The following AKAP8L variants were observed in gnomAD, a reference collection of about 807,000 sequenced individuals.
The protein encoded by AKAP8L is A-kinase anchor protein 8-like.
A neutral mutation model predicts 77.5 loss-of-function variants in AKAP8L; 34 were observed. The observed-to-expected ratio is 0.44, with a 90% CI of 0.33 to 0.58. The LOEUF is 0.58. Among genes scored for constraint, AKAP8L ranks in the 20% least tolerant of loss-of-function variants. The probability of loss-of-function intolerance (pLI) is 0.02; values close to 1 mark genes in which losing one functional copy is unlikely to be tolerated. For synonymous variants in AKAP8L, 342 were observed against 340.7 expected, an observed-to-expected ratio of 1.00 and a Z score of -0.04; for missense variants, 806 against 887.6, an observed-to-expected ratio of 0.91 and a Z score of 1.17.
intron 2 of AKAP8L, among the ~76,000 whole-genome samples, chr19:15,407,556 A>G (rs548516161): frequency 1.3e-3 from 191 of 152,358 alleles, no homozygotes; most frequent in African/African-American, 4.5e-3. Flanking sequence ...CTGTAAGTCA[A>G]ATTTCAAATA....
rs1222535186 is a variant in AKAP8L at position 15,399,946 on chromosome 19, ATC to A, written c.1048+347_1048+348del. 3 of 406,894 alleles carry A rather than the reference ATC, an allele frequency of 7.4e-6. No homozygotes were observed. The highest frequency in any genetic ancestry group is 6.1e-5 in the African/African-American group (3 of 49,246). The allele number at this position is 406,894 out of a possible 1,614,324, so 25.2% of individuals were successfully genotyped here. On this transcript the variant is annotated intron_variant, in intron 8 of 13. Coordinates refer to ENST00000397410, the MANE Select transcript of AKAP8L (RefSeq NM_014371.4). The surrounding 1 kb of genome is among the most constrained non-coding windows in gnomAD (Gnocchi z 6.1). ...GTAAAAACTGCACCGAGGGTCCCAG[ATC>A]GGACACCAGCCACTGAGGACTTGGA...
chr19:15,415,128 T>G (rs1020730477), intron 1 of AKAP8L, among the ~76,000 whole-genome samples: 2 of 152,208 alleles, frequency 1.3e-5, no homozygotes, highest in Non-Finnish European at 2.9e-5. Context: ...TCGTCAACTT[T>G]TTTTGCTCAA....
At position 15,397,873 on chromosome 19, in the gene AKAP8L, C is replaced by T. The variant is rs200240831; in HGVS notation, c.1158-18G>A. Reference sequence around the variant, plus strand: ...ACTGGATCCTGCCACAGGAAGGAAACGAGGGGCTGAGGCTGCAAGTGTCCC... The same window carrying T: ...ACTGGATCCTGCCACAGGAAGGAAATGAGGGGCTGAGGCTGCAAGTGTCCC... On this transcript the variant is annotated intron_variant, in intron 9 of 13. Transcript: ENST00000397410. The surrounding 1 kb of genome is among the most constrained non-coding windows in gnomAD (Gnocchi z 4.7). The T allele has an allele frequency of 1.2e-5, 19 of 1,611,990 alleles. No individual in the cohort carries two copies. The highest frequency in any genetic ancestry group is 2.7e-5 in the African/African-American group (2 of 74,860).
chr19:15,412,708 AT>A, intron 1 of AKAP8L, among the ~76,000 whole-genome samples: 1 of 151,978 alleles, frequency 6.6e-6, no homozygotes, highest in East Asian at 1.9e-4. Flanking sequence ...TGTCCGGCTG[AT>A]TTTTTTGTAT....
Position 15,400,949 on chromosome 19 carries a change from T to C in AKAP8L, c.911A>G (p.Asn304Ser), listed in dbSNP as rs1967882309. Residue 304 changes from asparagine (N) to serine (S), a missense_variant and splice_region_variant, in exon 6 of 14, where the codon AAT becomes AGT. By Grantham distance (46) the Asn-to-Ser change is conservative. This residue lies in a region of AKAP8L where 580 missense variants were observed against 694.1 expected (regional missense o/e 0.84). Coordinates refer to ENST00000397410, the MANE Select transcript of AKAP8L (RefSeq NM_014371.4). ...CCAGTACCACCTAGTGGGCTCACCATTGTCTGAGTCGCTGTTGTCCGAGCA... is the reference window on the plus strand; with the variant it reads ...CCAGTACCACCTAGTGGGCTCACCACTGTCTGAGTCGCTGTTGTCCGAGCA... ...TDCSDNSDSD[N>S]DEGTEGEATE... The C allele has an allele frequency of 2.5e-6, 4 of 1,613,930 alleles. No individual in the cohort carries two copies. Among genetic ancestry groups the C allele is most frequent in the Non-Finnish European group, 3.4e-6 (4 of 1,179,874 alleles).
At chr19:15,386,268 T>C (rs6512029) in intron 12 of AKAP8L, among the ~76,000 whole-genome samples, 119,491 of 152,080 alleles carry the variant, frequency 0.79, 47,159 homozygotes, top group East Asian at 0.99. Context: ...TTCATTTTGG[T>C]ATCATCTTTA....
Position 15,390,186 on chromosome 19 carries a change from C to G in AKAP8L, c.1536+6964G>C, listed in dbSNP as rs200237111. Among the ~76,000 whole-genome samples, 7 of 152,166 alleles carry G rather than the reference C, an allele frequency of 4.6e-5. No homozygotes were observed. In the South Asian group the frequency reaches 1.2e-3, roughly 27 times the overall value. ...ATCCCAGCACTTTGGGAGGCCAAGG[C>G]AGGCAGATCGCTTGAGTCCAGAAAT... On this transcript the variant is annotated intron_variant, in intron 12 of 13. Transcript: ENST00000397410.
chr19:15,418,980 C>T lies in AKAP8L; in HGVS notation c.-57G>A. ...GGCTTCTGCTGCTCTGAACATCCGACGCTGCGATAGCTGCTGCTAACCACA... is the reference window on the plus strand; with the variant it reads ...GGCTTCTGCTGCTCTGAACATCCGATGCTGCGATAGCTGCTGCTAACCACA... On this transcript the variant is annotated 5_prime_UTR_variant, in exon 1 of 14. Transcript: ENST00000397410. 1 of 1,601,694 alleles carries T rather than the reference C, an allele frequency of 6.2e-7. No homozygotes were observed. Among genetic ancestry groups the T allele is most frequent in the Non-Finnish European group, 8.5e-7 (1 of 1,178,584 alleles).
chr19:15,399,624 C>T lies in AKAP8L; in HGVS notation c.1049-214G>A, dbSNP rs1967849858. ...CCAAGGAGTGGGGGCCAGGCGATGA[C>T]CCCTCCACTCTCCAGGACACCCATG... On this transcript the variant is annotated intron_variant, in intron 8 of 13. Coordinates refer to ENST00000397410, the MANE Select transcript of AKAP8L (RefSeq NM_014371.4). This position sits in a 1 kb window ranked among gnomAD's most constrained non-coding sequence, Gnocchi z 6.1. The T allele has an allele frequency of 1.0e-5, 6 of 578,398 alleles. No homozygotes were observed. The highest frequency in any genetic ancestry group is 6.0e-5 in the East Asian group (2 of 33,604). 35.8% of individuals were successfully genotyped at this position (578,398 alleles called of 1,614,324 possible).
At chr19:15,413,960 T>C (rs1968153387) in intron 1 of AKAP8L, among the ~76,000 whole-genome samples, 1 of 152,046 alleles carries the variant, frequency 6.6e-6, no homozygotes, top group Non-Finnish European at 1.5e-5. Flanking sequence ...TCTAACTCTA[T>C]ACCCTGCACC....
chr19:15,410,097 C>T (rs1399354972), intron 2 of AKAP8L, among the ~76,000 whole-genome samples: 4 of 152,172 alleles, frequency 2.6e-5, no homozygotes, highest in Non-Finnish European at 1.5e-5. Flanking sequence ...CACACACCAC[C>T]ATGCCCGGCT....
At position 15,399,478 on chromosome 19, in the gene AKAP8L, G is replaced by A. The variant is rs1967846107; in HGVS notation, c.1049-68C>T. The A allele has an allele frequency of 8.4e-7, 1 of 1,189,110 alleles. No individual in the cohort carries two copies. Among genetic ancestry groups the A allele is most frequent in the African/African-American group, 1.5e-5 (1 of 66,902 alleles). The allele number at this position is 1,189,110 out of a possible 1,614,324, so 73.7% of individuals were successfully genotyped here. A position where few individuals can be genotyped will look rare whatever the true frequency, so the allele number is the denominator to read the frequency against. On this transcript the variant is annotated intron_variant, in intron 8 of 13. Transcript: ENST00000397410. This position sits in a 1 kb window ranked among gnomAD's most constrained non-coding sequence, Gnocchi z 6.1. The stretch of plus-strand genomic sequence containing the variant: ...GGACAGGGCAGGCCCTGCGGCCTCT[G>A]GCTGAATCACCCACTGTCCACTCCA...
At chr19:15,396,084 G>T in intron 12 of AKAP8L, among the ~76,000 whole-genome samples, 1 of 151,428 alleles carries the variant, frequency 6.6e-6, no homozygotes, top group Non-Finnish European at 1.5e-5. Context: ...AGAACTCTTG[G>T]TGGCATTTCC....
rs779339089 is a variant in AKAP8L, at chr19:15,401,528, G to A, written c.438C>T (p.Tyr146=). Reference sequence around the variant, plus strand: ...TTTCCATCTCAGGGTCAAGCTCGCTGTAGTCATAGCCTGACCGGTACAGGT... The same window carrying A: ...TTTCCATCTCAGGGTCAAGCTCGCTATAGTCATAGCCTGACCGGTACAGGT... The part of the protein sequence containing the change: ...ERDLYRSGYD[Y]SELDPEMEMA... The change falls in exon 5 of 14, where the codon TAC becomes TAT. Residue 146 remains tyrosine, a synonymous_variant. Transcript: ENST00000397410. The surrounding 1 kb of genome is among the most constrained non-coding windows in gnomAD (Gnocchi z 6.2). 5 of 1,613,740 alleles carry A rather than the reference G, an allele frequency of 3.1e-6. No homozygotes were observed. The highest frequency in any genetic ancestry group is 4.2e-6 in the Non-Finnish European group (5 of 1,179,830).
chr19:15,396,599 T>C lies in AKAP8L; in HGVS notation c.1536+551A>G, dbSNP rs1409843190. 7.2e-5 allele frequency among the ~76,000 whole-genome samples: 11 copies of C among 152,162 alleles called. No homozygotes were observed. In the East Asian group the frequency reaches 2.1e-3, roughly 29 times the overall value. The stretch of plus-strand genomic sequence containing the variant: ...CCCCAGGCTTCTGATCACTCCCACA[T>C]GCCAGCCCCCGGCTCCCTTCCTTCA... On this transcript the variant is annotated intron_variant, in intron 12 of 13. Coordinates refer to ENST00000397410, the MANE Select transcript of AKAP8L (RefSeq NM_014371.4).
rs543748870 is a variant in AKAP8L at position 15,401,482 on chromosome 19, C to T, written c.484G>A (p.Asp162Asn). Reference sequence around the variant, plus strand: ...ATGCGGAACTGGTCGCGGTAGGCATCGTATTGGCCCTCATAGGCCATTTCC... The same window carrying T: ...ATGCGGAACTGGTCGCGGTAGGCATTGTATTGGCCCTCATAGGCCATTTCC... ...EMEMAYEGQY[D>N]AYRDQFRMRG... Residue 162 changes from aspartate (D) to asparagine (N), a missense_variant, in exon 5 of 14, where the codon GAT becomes AAT. Asp to Asn is a conservative substitution (Grantham distance 23). This residue lies in a region of AKAP8L where 580 missense variants were observed against 694.1 expected (regional missense o/e 0.84). Coordinates refer to ENST00000397410, the MANE Select transcript of AKAP8L (RefSeq NM_014371.4). This position sits in a 1 kb window ranked among gnomAD's most constrained non-coding sequence, Gnocchi z 6.2. 42 of 1,613,862 alleles carry T rather than the reference C, an allele frequency of 2.6e-5. No homozygotes were observed. In the South Asian group the frequency reaches 3.6e-4, roughly 14 times the overall value.
At position 15,400,379 on chromosome 19, in the gene AKAP8L, CT is replaced by C. The variant is rs777377691; in HGVS notation, c.985-22del. 1.9e-6 allele frequency: 3 copies of C among 1,573,670 alleles called. No homozygotes were observed. In the East Asian group the frequency reaches 6.7e-5, roughly 35 times the overall value. On this transcript the variant is annotated intron_variant, in intron 7 of 13. Coordinates refer to ENST00000397410, the MANE Select transcript of AKAP8L (RefSeq NM_014371.4). ...CCGTCCTAACAATTTCAAATTCCAA[CT>C]TTAAAACAGGTGCCTTTTTTTTTTT...
chr19:15,387,732 G>A (rs1967568840), intron 12 of AKAP8L, among the ~76,000 whole-genome samples: 1 of 152,168 alleles, frequency 6.6e-6, no homozygotes, highest in Non-Finnish European at 1.5e-5. Flanking sequence ...AGGCTGAGGT[G>A]GGTGGCTCAT....
Position 15,418,244 on chromosome 19 carries a change from CTT to C in AKAP8L, c.13+665_13+666del, listed in dbSNP as rs1159149079. On this transcript the variant is annotated intron_variant, in intron 1 of 13. Coordinates refer to ENST00000397410, the MANE Select transcript of AKAP8L (RefSeq NM_014371.4). ...TCGCCTCTAAGCTGCTTGAGGAATT[CTT>C]GTCTGTATTCCCAATACCCAGTCTG... Among the ~76,000 whole-genome samples the C allele has an allele frequency of 2.6e-5, 4 of 152,310 alleles. No homozygotes were observed. The East Asian group carries it at 5.8e-4, about 22-fold the overall frequency.
Sources: allele counts gnomAD v4.1 joint callset (sites outside exome capture counted in the v4.1 genomes callset), GRCh38; gene constraint gnomAD v4.1.1; regional missense constraint gnomAD v4.1.1; non-coding constraint Gnocchi (gnomAD v3.1); transcripts MANE v1.5; gene names NCBI Gene and HGNC (gene_info 2026-07-23, HGNC 2026-07-21).